Variants in PKNOX2 observed in about 807,000 individuals in gnomAD.
PKNOX2 encodes homeobox protein PKNOX2.
In PKNOX2, 14 loss-of-function variants were observed where a neutral mutation model predicts 53.1. The observed-to-expected ratio is 0.26, with a 90% CI of 0.17 to 0.41. The LOEUF (loss-of-function observed/expected upper bound fraction) is 0.41. Among genes scored for constraint, PKNOX2 ranks in the 10% least tolerant of loss-of-function variants. The probability of loss-of-function intolerance (pLI) is 1.00; values close to 1 mark genes in which losing one functional copy is unlikely to be tolerated. For missense variants in PKNOX2, 496 were observed against 602.8 expected (o/e 0.82, Z 1.85); for synonymous variants, 257 against 242.8 (o/e 1.06, Z -0.54).
intron 2 of PKNOX2, among the ~76,000 whole-genome samples, chr11:125,281,837 A>G (rs990866995): frequency 1.3e-5 from 2 of 152,216 alleles, no homozygotes; most frequent in African/African-American, 4.8e-5. Context: ...ATCTACCGTT[A>G]TCCAGGGAAG....
intron 1 of PKNOX2, among the ~76,000 whole-genome samples, chr11:125,214,677 T>C (rs1171600670): frequency 6.6e-6 from 1 of 152,042 alleles, no homozygotes; most frequent in African/African-American, 2.4e-5. Flanking sequence ...AATCAGGCAA[T>C]GCAGCCCCTG....
rs371134173 is a variant in PKNOX2 at position 125,389,857 on chromosome 11, G to C, written c.399+4135G>C. ...TTTTAATGAGACTCTGGTGTGGCTC[G>C]AGGGACAGATTACGGCTGCCTGACC... On this transcript the variant is annotated intron_variant, in intron 6 of 12. Transcript: ENST00000298282. 4.7e-4 allele frequency among the ~76,000 whole-genome samples: 72 copies of C among 152,056 alleles called. No individual in the cohort carries two copies. The East Asian group carries it at 9.1e-3, about 19-fold the overall frequency.
At chr11:125,251,260 A>G (rs946003322) in intron 2 of PKNOX2, among the ~76,000 whole-genome samples, 7 of 152,134 alleles carry the variant, frequency 4.6e-5, no homozygotes, top group South Asian at 2.1e-4. Flanking sequence ...TTTATTTATT[A>G]TCATTTCGCC....
intron 2 of PKNOX2, among the ~76,000 whole-genome samples, chr11:125,272,884 G>A (rs1361103903): frequency 6.6e-6 from 1 of 152,234 alleles, no homozygotes; most frequent in Non-Finnish European, 1.5e-5. Context: ...GTTTCAGGCA[G>A]TGACAGAAGC....
At chr11:125,224,040 G>T (rs1941455926) in intron 1 of PKNOX2, among the ~76,000 whole-genome samples, 1 of 152,248 alleles carries the variant, frequency 6.6e-6, no homozygotes, top group African/African-American at 2.4e-5. Context: ...CTGCGGCCTT[G>T]CTCACACAGC....
chr11:125,401,741 A>G (rs1209333217), intron 7 of PKNOX2, among the ~76,000 whole-genome samples: 1 of 151,126 alleles, frequency 6.6e-6, no homozygotes, highest in African/African-American at 2.5e-5. Context: ...AGGAGCCTGT[A>G]TGAGAGAGAG....
intron 1 of PKNOX2, among the ~76,000 whole-genome samples, chr11:125,195,390 G>A (rs1195961328): frequency 6.6e-6 from 1 of 152,116 alleles, no homozygotes; most frequent in Non-Finnish European, 1.5e-5. Flanking sequence ...AAAACGAAAA[G>A]TTTTTAGGAA....
intron 1 of PKNOX2, among the ~76,000 whole-genome samples, chr11:125,167,051 G>A (rs905411357): frequency 1.3e-5 from 2 of 152,076 alleles, no homozygotes; most frequent in African/African-American, 4.8e-5. Flanking sequence ...AGCGGGGAGG[G>A]AGGGTCCCGT....
At chr11:125,364,549 G>A (rs1396318996) in intron 4 of PKNOX2, among the ~76,000 whole-genome samples, 2 of 152,182 alleles carry the variant, frequency 1.3e-5, no homozygotes, top group Non-Finnish European at 2.9e-5. Context: ...AGCCGCTTGT[G>A]GATTCCTTCA....
intron 2 of PKNOX2, among the ~76,000 whole-genome samples, chr11:125,326,147 A>G (rs979514274): frequency 2.0e-5 from 3 of 152,244 alleles, no homozygotes; most frequent in Admixed American, 6.5e-5. Context: ...AAAGCTTATG[A>G]TGACATCGAG....
intron 3 of PKNOX2, among the ~76,000 whole-genome samples, chr11:125,342,790 G>A (rs1254673063): frequency 6.6e-6 from 1 of 151,396 alleles, no homozygotes; most frequent in Non-Finnish European, 1.5e-5. Context: ...GCGGGCCGGG[G>A]CTCCCAGGTG....
chr11:125,200,077 C>T (rs980703100), intron 1 of PKNOX2, among the ~76,000 whole-genome samples: 2 of 152,186 alleles, frequency 1.3e-5, no homozygotes, highest in African/African-American at 4.8e-5. Flanking sequence ...CCTCTTAGGG[C>T]TGTCTGTGCT....
At position 125,411,795 on chromosome 11, in the gene PKNOX2, A is replaced by G; in HGVS notation, c.866A>G (p.Lys289Arg). The change falls in exon 10 of 13, where the codon AAG becomes AGG. Residue 289 changes from lysine to arginine, a missense_variant. By Grantham distance (26) the Lys-to-Arg change is conservative. This residue lies in a region of PKNOX2 where 36 missense variants were observed against 81.9 expected (regional missense o/e 0.44). Coordinates refer to ENST00000298282, the MANE Select transcript of PKNOX2 (RefSeq NM_001382323.2). ...SLLDNEDKKS[K>R]NKRGVLPKHA... ...CTGGACAATGAGGATAAGAAGTCCAAGAACAAACGAGGAGTCTTGCCCAAG... is the reference window on the plus strand; with the variant it reads ...CTGGACAATGAGGATAAGAAGTCCAGGAACAAACGAGGAGTCTTGCCCAAG... The G allele has an allele frequency of 6.2e-7, 1 of 1,614,174 alleles. No individual in the cohort carries two copies. Among genetic ancestry groups the G allele is most frequent in the East Asian group, 2.2e-5 (1 of 44,876 alleles).
chr11:125,314,409 A>G (rs984834616), intron 2 of PKNOX2, among the ~76,000 whole-genome samples: 1 of 152,138 alleles, frequency 6.6e-6, no homozygotes, highest in South Asian at 2.1e-4. Flanking sequence ...TCAGAAGTCC[A>G]TCTGCATCTT....
chr11:125,319,450 C>G (rs1198412564), intron 2 of PKNOX2, among the ~76,000 whole-genome samples: 3 of 152,114 alleles, frequency 2.0e-5, no homozygotes, highest in African/African-American at 7.2e-5. Flanking sequence ...TTGCCATGAA[C>G]CTTCAATTTG....
In PKNOX2 at chr11:125,212,447, T is replaced by C. The variant is rs535117991; in HGVS notation, c.-200-22598T>C. Among the ~76,000 whole-genome samples the C allele has an allele frequency of 2.5e-4, 31 of 125,282 alleles. 1 individual carries two copies. The highest frequency in any genetic ancestry group is 9.2e-4 in the African/African-American group (30 of 32,598). The allele number at this position is 125,282 out of a possible 152,430, so 82.2% of individuals were successfully genotyped here. On this transcript the variant is annotated intron_variant, in intron 1 of 12. Transcript: ENST00000298282. ...CACTGGACAGAAGAATAGGAGGGGATTCTTTTTTTTTTTTTTTTTTTTTTT... is the reference window on the plus strand; with the variant it reads ...CACTGGACAGAAGAATAGGAGGGGACTCTTTTTTTTTTTTTTTTTTTTTTT...
At chr11:125,382,747 G>A (rs576342550) in intron 5 of PKNOX2, among the ~76,000 whole-genome samples, 1 of 152,298 alleles carries the variant, frequency 6.6e-6, no homozygotes, top group African/African-American at 2.4e-5. Flanking sequence ...ACTATAATAT[G>A]CTGCAGTATT....
chr11:125,421,288 C>A (rs186137976), intron 10 of PKNOX2, among the ~76,000 whole-genome samples: 22 of 152,288 alleles, frequency 1.4e-4, no homozygotes, highest in African/African-American at 4.6e-4. Context: ...GCAAAAGGTT[C>A]TTTGACAATC....
intron 1 of PKNOX2, among the ~76,000 whole-genome samples, chr11:125,232,828 C>CT (rs536884769): frequency 0.015 from 1,974 of 135,540 alleles, 35 homozygotes; most frequent in African/African-American, 0.037. Context: ...TAATCCAAGT[C>CT]TTTTTTTTTT....
Sources: gnomAD v4.1 joint callset for allele counts (sites outside exome capture counted in the v4.1 genomes callset) on GRCh38, gnomAD v4.1.1 for gene constraint, gnomAD v4.1.1 regional missense constraint, MANE v1.5 for transcripts, NCBI Gene and HGNC (gene_info 2026-07-23, HGNC 2026-07-21) for gene names.